Variants in MYO16 observed in about 807,000 individuals in gnomAD.
MYO16 encodes the protein myosin XVI.
MYO16 carries 94 observed loss-of-function variants against 205.3 expected under a neutral mutation model. The ratio of observed to expected loss-of-function variants is 0.46; its 90% CI spans 0.39 to 0.54. The LOEUF (loss-of-function observed/expected upper bound fraction) is 0.54. Among genes scored for constraint, MYO16 ranks in the 20% least tolerant of loss-of-function variants. The probability of loss-of-function intolerance (pLI) is 0.00; values close to 1 mark genes in which losing one functional copy is unlikely to be tolerated. For synonymous variants in MYO16, 988 were observed against 954.0 expected (o/e 1.04, Z -0.66); for missense variants, 2,315 against 2,387.5 (o/e 0.97, Z 0.63).
intron 2 of MYO16, among the ~76,000 whole-genome samples, chr13:108,679,036 C>T (rs1448215722): frequency 6.6e-6 from 1 of 152,166 alleles, no homozygotes; most frequent in African/African-American, 2.4e-5. Flanking sequence ...CATTGATGAG[C>T]AATCTACCCA....
chr13:108,951,911 C>G (rs1883167687), intron 16 of MYO16, among the ~76,000 whole-genome samples: 1 of 152,006 alleles, frequency 6.6e-6, no homozygotes, highest in Non-Finnish European at 1.5e-5. Flanking sequence ...TGAGACTAGC[C>G]TTGCCAACAT....
chr13:108,957,883 G>A (rs1262799037), intron 17 of MYO16, 84 bp downstream of exon 17: 58 of 1,086,834 alleles, frequency 5.3e-5, no homozygotes, highest in Non-Finnish European at 7.5e-5. Flanking sequence ...CATTTACTGA[G>A]CCCCTATGAC....
At chr13:108,826,385 T>C (rs552581456) in intron 9 of MYO16, among the ~76,000 whole-genome samples, 1 of 152,250 alleles carries the variant, frequency 6.6e-6, no homozygotes, top group Middle Eastern at 3.4e-3. Flanking sequence ...AATAATGAGT[T>C]GGACCTGAAC....
intron 32 of MYO16, among the ~76,000 whole-genome samples, chr13:109,148,394 G>T (rs1019475103): frequency 6.6e-6 from 1 of 152,186 alleles, no homozygotes; most frequent in Non-Finnish European, 1.5e-5. Context: ...GCACTAACTT[G>T]TGGAGCTAAT....
intron 22 of MYO16, among the ~76,000 whole-genome samples, chr13:109,009,272 T>A (rs1333194531): frequency 6.6e-6 from 1 of 152,218 alleles, no homozygotes; most frequent in Admixed American, 6.5e-5. Context: ...CATTTTGATA[T>A]AGAAATATTC....
intron 3 of MYO16, among the ~76,000 whole-genome samples, chr13:108,716,192 A>G (rs1309917243): frequency 6.6e-6 from 1 of 152,220 alleles, no homozygotes; most frequent in East Asian, 1.9e-4. Context: ...TGAATGAATG[A>G]GCTCTAAGGA....
chr13:108,552,923 C>G, the MYO16 span, among the ~76,000 whole-genome samples: 1 of 150,794 alleles, frequency 6.6e-6, no homozygotes, highest in African/African-American at 2.4e-5. Flanking sequence ...CCTTTTAGAG[C>G]AGCACAAATC....
intron 9 of MYO16, among the ~76,000 whole-genome samples, chr13:108,838,283 T>A (rs1325884529): frequency 6.6e-6 from 1 of 152,134 alleles, no homozygotes; most frequent in Non-Finnish European, 1.5e-5. Context: ...GCAGCGTGTT[T>A]AGAACAGAAG....
Position 109,052,552 on chromosome 13 carries a change from G to A in MYO16, c.3048+77G>A, listed in dbSNP as rs529045328. ...TTTGCTTCTTTTTTTTTAAAAAAAAGCACAATTTTAAATACCAAGGAAATA... is the reference window on the plus strand; with the variant it reads ...TTTGCTTCTTTTTTTTTAAAAAAAAACACAATTTTAAATACCAAGGAAATA... On this transcript the variant is annotated intron_variant, in intron 25 of 34. Transcript: ENST00000457511. 6.8e-5 allele frequency: 77 copies of A among 1,140,176 alleles called. 1 individual carries two copies. The South Asian group carries it at 1.1e-3, about 17-fold the overall frequency. 70.6% of individuals were successfully genotyped at this position (1,140,176 alleles called of 1,614,324 possible).
chr13:109,014,648 A>T (rs1885740260), intron 22 of MYO16, among the ~76,000 whole-genome samples: 1 of 152,144 alleles, frequency 6.6e-6, no homozygotes, highest in African/African-American at 2.4e-5. Flanking sequence ...TTCATTGAGC[A>T]GTGGTTTGTA....
intron 1 of MYO16, among the ~76,000 whole-genome samples, chr13:108,644,415 T>A (rs1305133377): frequency 6.8e-6 from 1 of 146,258 alleles, no homozygotes; most frequent in African/African-American, 2.5e-5. Context: ...TATCTATCTA[T>A]CATCTGTTTA....
intron 1 of MYO16, among the ~76,000 whole-genome samples, chr13:108,610,087 C>T (rs78959309): frequency 0.017 from 2,652 of 152,226 alleles, 42 homozygotes; most frequent in Non-Finnish European, 0.03. Flanking sequence ...ACACCTGAAA[C>T]GGGTATCCAG....
At chr13:108,658,330 T>A (rs975432012) in intron 1 of MYO16, among the ~76,000 whole-genome samples, 1 of 152,100 alleles carries the variant, frequency 6.6e-6, no homozygotes, top group African/African-American at 2.4e-5. Context: ...AATTGTCAAT[T>A]TCTCACGTCT....
chr13:109,041,523 G>A (rs914541239), intron 23 of MYO16, among the ~76,000 whole-genome samples: 2 of 152,166 alleles, frequency 1.3e-5, no homozygotes, highest in Admixed American at 6.5e-5. Flanking sequence ...TAAGGACACA[G>A]AAATAGAACC....
chr13:108,721,555 C>G (rs554087586), intron 3 of MYO16, among the ~76,000 whole-genome samples: 3 of 152,080 alleles, frequency 2.0e-5, no homozygotes, highest in Admixed American at 6.6e-5. Flanking sequence ...TGATGGTGTT[C>G]TAAGTGGAGA....
At chr13:109,126,591 G>C (rs925546404) in intron 30 of MYO16, among the ~76,000 whole-genome samples, 1 of 152,138 alleles carries the variant, frequency 6.6e-6, no homozygotes, top group African/African-American at 2.4e-5. Flanking sequence ...TTCTCAATTT[G>C]ATTATGTATG....
In MYO16 at chr13:108,636,589, A is replaced by G. The variant is rs1880264300; in HGVS notation, c.28+6717A>G. Among the ~76,000 whole-genome samples, 4 of 152,120 alleles carry G rather than the reference A, an allele frequency of 2.6e-5. No homozygotes were observed. The South Asian group carries it at 8.3e-4, about 31-fold the overall frequency. On this transcript the variant is annotated intron_variant, in intron 1 of 34. Transcript: ENST00000457511. ...GAGACAGGGTTTCACCATATTGGCCAGGATGGTCTCGATCTCTTGACCTCT... is the reference window on the plus strand; with the variant it reads ...GAGACAGGGTTTCACCATATTGGCCGGGATGGTCTCGATCTCTTGACCTCT...
chr13:109,068,176 G>A (rs1345162143), intron 27 of MYO16, among the ~76,000 whole-genome samples: 1 of 152,236 alleles, frequency 6.6e-6, no homozygotes, highest in Admixed American at 6.5e-5. Context: ...CCAGAATTCT[G>A]AATATTTTTA....
chr13:108,668,486 G>C (rs1352133648), intron 2 of MYO16, among the ~76,000 whole-genome samples: 1 of 152,192 alleles, frequency 6.6e-6, no homozygotes, highest in Non-Finnish European at 1.5e-5. Flanking sequence ...TTACCTTACA[G>C]TTCTGTAGGT....
Sources: gnomAD v4.1 joint callset for allele counts (sites outside exome capture counted in the v4.1 genomes callset) on GRCh38, gnomAD v4.1.1 for gene constraint, MANE v1.5 for transcripts, NCBI Gene and HGNC (gene_info 2026-07-23, HGNC 2026-07-21) for gene names.